WDR33: variants seen among roughly 807,000 people sequenced by gnomAD.
The protein encoded by WDR33 is pre-mRNA 3' end processing protein WDR33.
A neutral mutation model predicts 164.9 loss-of-function variants in WDR33; 47 were observed. The ratio of observed to expected loss-of-function variants is 0.29; its 90% confidence interval spans 0.23 to 0.36. The LOEUF (loss-of-function observed/expected upper bound fraction) is 0.36. Among genes scored for constraint, WDR33 ranks in the 10% least tolerant of loss-of-function variants. WDR33 has a pLI of 1.00. For missense variants in WDR33, 1,137 were observed against 1,754.1 expected (o/e 0.65, Z 6.28); for synonymous variants, 505 against 589.0 (o/e 0.86, Z 2.06).
chr2:127,707,289 A>AT (rs1445141428), intron 21 of WDR33, among the ~76,000 whole-genome samples: 6 of 152,014 alleles, frequency 3.9e-5, no homozygotes, highest in African/African-American at 1.4e-4. Context: ...ATCTTGTAAG[A>AT]TTTTTTTCCT....
intron 17 of WDR33, among the ~76,000 whole-genome samples, chr2:127,715,088 C>CTTTTTTTTTTTTTTTTT (rs386391178): frequency 5.8e-4 from 63 of 108,556 alleles, no homozygotes; most frequent in Middle Eastern, 5.4e-3. Flanking sequence ...TTCTTTGTTT[C>CTTTTTTTTTTTTTTTTT]TTTTTTTTTT....
chr2:127,778,090 T>TG (rs1553478565), intron 1 of WDR33, among the ~76,000 whole-genome samples: 2 of 152,022 alleles, frequency 1.3e-5, no homozygotes, highest in Non-Finnish European at 1.5e-5. Context: ...GGCCAGGAGT[T>TG]GGAGACAAGC....
Position 127,714,096 on chromosome 2 carries a change from T to G in WDR33, c.2870-75A>C. 10 of 1,376,516 alleles carry G rather than the reference T, an allele frequency of 7.3e-6. No individual in the cohort carries two copies. The highest frequency in any genetic ancestry group is 3.0e-5 in the Admixed American group (1 of 33,584). 85.3% of individuals were successfully genotyped at this position (1,376,516 alleles called of 1,614,324 possible). ...ACATAGGTCTGATCTGTAGCATCTCTACATTTCAGAATACATTCTTTATTG... is the reference window on the plus strand; with the variant it reads ...ACATAGGTCTGATCTGTAGCATCTCGACATTTCAGAATACATTCTTTATTG... On this transcript the variant is annotated intron_variant, in intron 17 of 21. Coordinates refer to ENST00000322313, the MANE Select transcript of WDR33 (RefSeq NM_018383.5). The surrounding 1 kb of genome is among the most constrained non-coding windows in gnomAD (Gnocchi z 4.3).
chr2:127,799,162 A>AT lies in WDR33; in HGVS notation c.-24+11849dup, dbSNP rs370398568. Among the ~76,000 whole-genome samples, 29 of 152,316 alleles carry AT rather than the reference A, an allele frequency of 1.9e-4. No individual in the cohort carries two copies. The East Asian group carries it at 5.6e-3, about 29-fold the overall frequency. Reference sequence around the variant, plus strand: ...TTGCCAACTGCATTAAATACAGAGAATACATTCAGGACCTTGGGTTAGGCA... The same window carrying AT: ...TTGCCAACTGCATTAAATACAGAGAATTACATTCAGGACCTTGGGTTAGGCA... On this transcript the variant is annotated intron_variant, in intron 1 of 21. Coordinates refer to ENST00000322313, the MANE Select transcript of WDR33 (RefSeq NM_018383.5).
chr2:127,774,857 T>G (rs1173274478), intron 1 of WDR33, among the ~76,000 whole-genome samples: 1 of 151,956 alleles, frequency 6.6e-6, no homozygotes, highest in East Asian at 1.9e-4. Context: ...AAAATTATGC[T>G]AAGTGAAAGA....
At chr2:127,783,959 G>A (rs906587990) in intron 1 of WDR33, among the ~76,000 whole-genome samples, 2 of 149,970 alleles carry the variant, frequency 1.3e-5, no homozygotes, top group South Asian at 4.2e-4. Context: ...TTTGTTTACT[G>A]TGGTATTGGA....
At chr2:127,787,703 G>A (rs1288963750) in intron 1 of WDR33, among the ~76,000 whole-genome samples, 5 of 72,554 alleles carry the variant, frequency 6.9e-5, no homozygotes, top group African/African-American at 1.3e-4. Flanking sequence ...GCGGCTGGCC[G>A]GGCGGGGGGC....
chr2:127,781,999 T>TACA (rs1688388344), intron 1 of WDR33, among the ~76,000 whole-genome samples: 1 of 90,196 alleles, frequency 1.1e-5, no homozygotes, highest in Non-Finnish European at 2.2e-5. Flanking sequence ...ACTCTTTTTC[T>TACA]AAAAAAAAAA....
At position 127,785,487 on chromosome 2, in the gene WDR33, C is replaced by A. The variant is rs149261083; in HGVS notation, c.-23-14483G>T. On this transcript the variant is annotated intron_variant, in intron 1 of 21. Coordinates refer to ENST00000322313, the MANE Select transcript of WDR33 (RefSeq NM_018383.5). ...CTCTATCTATTCATCCTTCCCTCCC[C>A]CAAGCTCCTGGCTATTTACTCATCT... Among the ~76,000 whole-genome samples the A allele has an allele frequency of 4.7e-3, 713 of 152,324 alleles. 5 individuals carry two copies. Among genetic ancestry groups the A allele is most frequent in the African/African-American group, 0.016 (667 of 41,568 alleles).
Position 127,792,412 on chromosome 2 carries a change from G to A in WDR33, c.-24+18600C>T, listed in dbSNP as rs1390681794. 5.3e-5 allele frequency among the ~76,000 whole-genome samples: 8 copies of A among 151,860 alleles called. No individual in the cohort carries two copies. In the East Asian group the frequency reaches 1.6e-3, roughly 30 times the overall value. On this transcript the variant is annotated intron_variant, in intron 1 of 21. Transcript: ENST00000322313. ...CAGGTGGCTCACGCCTATAATCCCAGCACTTTGGGAGGCTGAGGCGGGCAG... is the reference window on the plus strand; with the variant it reads ...CAGGTGGCTCACGCCTATAATCCCAACACTTTGGGAGGCTGAGGCGGGCAG...
chr2:127,721,833 C>T lies in WDR33; in HGVS notation c.1671+3G>A. 2 of 1,608,218 alleles carry T rather than the reference C, an allele frequency of 1.2e-6. No homozygotes were observed. The highest frequency in any genetic ancestry group is 1.7e-6 in the Non-Finnish European group (2 of 1,178,216). ...GAATTCCCCCCTACAGAGCTTCACA[C>T]ACCTCCAGAAGTTGTGGGTTAGTAT... is the stretch of plus-strand genomic sequence containing the variant. On this transcript the variant is annotated splice_donor_region_variant and intron_variant, in intron 15 of 21. Coordinates refer to ENST00000322313, the MANE Select transcript of WDR33 (RefSeq NM_018383.5). The surrounding 1 kb of genome is among the most constrained non-coding windows in gnomAD (Gnocchi z 4.9).
At chr2:127,788,532 C>T (rs1373585970) in intron 1 of WDR33, among the ~76,000 whole-genome samples, 11 of 120,854 alleles carry the variant, frequency 9.1e-5, no homozygotes, top group South Asian at 2.9e-4. Context: ...GCTGACCCCC[C>T]CATCTCCCTC....
At chr2:127,740,335 T>A (rs1013245411) in intron 7 of WDR33, among the ~76,000 whole-genome samples, 1 of 141,006 alleles carries the variant, frequency 7.1e-6, no homozygotes, top group Non-Finnish European at 1.5e-5. Context: ...TGGGAGGGAT[T>A]TGTATTTCTC....
chr2:127,756,732 T>C (rs1687531997), intron 7 of WDR33, among the ~76,000 whole-genome samples: 1 of 152,162 alleles, frequency 6.6e-6, no homozygotes, highest in African/African-American at 2.4e-5. Context: ...AGAAAGGCTC[T>C]TTCTGAAAAC....
rs965320683 is a variant in WDR33 at position 127,721,488 on chromosome 2, T to C, written c.1671+348A>G. ...TTAGTCAGACGTGATGGTGCATGCC[T>C]GTGGTCTCTGCCACTCAAGAGGCTT... On this transcript the variant is annotated intron_variant, in intron 15 of 21. Transcript: ENST00000322313. The surrounding 1 kb of genome is among the most constrained non-coding windows in gnomAD (Gnocchi z 4.9). Among the ~76,000 whole-genome samples, 5 of 152,160 alleles carry C rather than the reference T, an allele frequency of 3.3e-5. No homozygotes were observed. The highest frequency in any genetic ancestry group is 1.2e-4 in the African/African-American group (5 of 41,436).
At position 127,717,103 on chromosome 2, in the gene WDR33, G is replaced by T; in HGVS notation, c.2869+52C>A. 1 of 1,525,104 alleles carries T rather than the reference G, an allele frequency of 6.6e-7. No individual in the cohort carries two copies. The highest frequency in any genetic ancestry group is 8.9e-7 in the Non-Finnish European group (1 of 1,121,224). The allele number at this position is 1,525,104 out of a possible 1,614,324, so 94.5% of individuals were successfully genotyped here. On this transcript the variant is annotated intron_variant, in intron 17 of 21. Coordinates refer to ENST00000322313, the MANE Select transcript of WDR33 (RefSeq NM_018383.5). The surrounding 1 kb of genome is among the most constrained non-coding windows in gnomAD (Gnocchi z 5.6). ...CCAACAAAATTATTCACTGTAAAAT[G>T]TGCACAAAGGTGGTAGAATATAATC...
rs1419760091 is a variant in WDR33, at chr2:127,711,772, A to ATTTTTTT, written c.3308+1810_3308+1811insAAAAAAA. On this transcript the variant is annotated intron_variant, in intron 18 of 21. Coordinates refer to ENST00000322313, the MANE Select transcript of WDR33 (RefSeq NM_018383.5). ...TACAGATATATATATATATATATATATATATATATTTTTTTTTTGAGACAG... is the reference window on the plus strand; with the variant it reads ...TACAGATATATATATATATATATATATTTTTTTTATATATATTTTTTTTTTGAGACAG... Among the ~76,000 whole-genome samples, 619 of 87,610 alleles carry ATTTTTTT rather than the reference A, an allele frequency of 7.1e-3. 38 individuals carry two copies. Among genetic ancestry groups the ATTTTTTT allele is most frequent in the East Asian group, 0.033 (116 of 3,488 alleles). 57.5% of individuals were successfully genotyped at this position (87,610 alleles called of 152,430 possible).
chr2:127,777,327 G>A (rs1052365056), intron 1 of WDR33, among the ~76,000 whole-genome samples: 2 of 152,192 alleles, frequency 1.3e-5, no homozygotes, highest in Non-Finnish European at 2.9e-5. Flanking sequence ...TCGCAGAACA[G>A]TAGTTTTCAG....
chr2:127,761,637 G>A (rs1054796514), intron 7 of WDR33, among the ~76,000 whole-genome samples: 1 of 152,168 alleles, frequency 6.6e-6, no homozygotes, highest in Non-Finnish European at 1.5e-5. Context: ...CATAAGTGTG[G>A]CATTAGGCTG....
Sources: gnomAD v4.1 joint callset for allele counts (sites outside exome capture counted in the v4.1 genomes callset) on GRCh38, gnomAD v4.1.1 for gene constraint, Gnocchi (gnomAD v3.1) non-coding constraint, MANE v1.5 for transcripts, NCBI Gene and HGNC (gene_info 2026-07-23, HGNC 2026-07-21) for gene names.